The following CACNB2 variants were observed in gnomAD, a reference collection of about 807,000 sequenced individuals.
The protein encoded by CACNB2 is calcium voltage-gated channel auxiliary subunit beta 2, also known as voltage-dependent L-type calcium channel subunit beta-2.
A neutral mutation model predicts 73.3 loss-of-function variants in CACNB2; 42 were observed. That is an observed-to-expected ratio of 0.57 (90% confidence interval 0.45 to 0.74). The LOEUF (loss-of-function observed/expected upper bound fraction) is 0.74, where lower values mean the gene tolerates loss of function less well. CACNB2 is among the 30% of genes least tolerant of loss of function. The pLI, the probability that CACNB2 is intolerant of heterozygous loss-of-function variation, is 0.00. For missense variants in CACNB2, 940 were observed against 853.0 expected (o/e 1.10, Z -1.27); for synonymous variants, 348 against 310.3 (o/e 1.12, Z -1.28).
At chr10:18,384,567 A>C (rs114856031) in intron 2 of CACNB2, among the ~76,000 whole-genome samples, 1,783 of 152,126 alleles carry the variant, frequency 0.012, 37 homozygotes, top group African/African-American at 0.041. Flanking sequence ...CTCTCCAAAA[A>C]AAGAAAAAAA....
intron 2 of CACNB2, among the ~76,000 whole-genome samples, chr10:18,267,806 C>T (rs987250275): frequency 9.9e-5 from 15 of 152,136 alleles, no homozygotes; most frequent in Non-Finnish European, 2.1e-4. Context: ...CCAGTTAACA[C>T]CTATCACTTT....
intron 2 of CACNB2, among the ~76,000 whole-genome samples, chr10:18,329,540 A>C (rs1178561422): frequency 6.6e-6 from 1 of 150,866 alleles, no homozygotes; most frequent in African/African-American, 2.4e-5. Context: ...AAGAAGAAAG[A>C]TATAAGCTTA....
intron 3 of CACNB2, among the ~76,000 whole-genome samples, chr10:18,438,014 T>C: frequency 1.0e-5 from 1 of 96,072 alleles, no homozygotes; most frequent in East Asian, 3.2e-4. Context: ...TTTTTTTTTT[T>C]TTTTTTTTTT....
At chr10:18,318,573 G>A (rs2040280339) in intron 2 of CACNB2, among the ~76,000 whole-genome samples, 1 of 152,078 alleles carries the variant, frequency 6.6e-6, no homozygotes, top group Non-Finnish European at 1.5e-5. Context: ...AACACCAAAA[G>A]CAATTAGAAC....
At chr10:18,255,347 C>G (rs1006696051) in intron 2 of CACNB2, among the ~76,000 whole-genome samples, 4 of 152,194 alleles carry the variant, frequency 2.6e-5, no homozygotes, top group African/African-American at 9.6e-5. Context: ...ACCCTTGAGC[C>G]TCAGCTCAGG....
At chr10:18,538,710 C>T (rs933003765) in intron 13 of CACNB2, among the ~76,000 whole-genome samples, 1 of 152,108 alleles carries the variant, frequency 6.6e-6, no homozygotes, top group Non-Finnish European at 1.5e-5. Flanking sequence ...ATAATGGCAA[C>T]CTGTCCAAGA....
At chr10:18,384,276 C>A (rs983857110) in intron 2 of CACNB2, among the ~76,000 whole-genome samples, 3 of 152,046 alleles carry the variant, frequency 2.0e-5, no homozygotes, top group African/African-American at 7.2e-5. Flanking sequence ...ATATAGTGTA[C>A]CTCTTTTTCT....
intron 2 of CACNB2, among the ~76,000 whole-genome samples, chr10:18,154,452 G>C (rs559607434): frequency 3.0e-4 from 45 of 151,948 alleles, no homozygotes; most frequent in Non-Finnish European, 6.3e-4. Context: ...CATTAGGACT[G>C]TTATCTTTTT....
intron 3 of CACNB2, among the ~76,000 whole-genome samples, chr10:18,486,435 A>G (rs1309699182): frequency 1.3e-5 from 2 of 152,214 alleles, no homozygotes; most frequent in Non-Finnish European, 2.9e-5. Context: ...AGGCCTAGTG[A>G]TTCCAGAAGG....
chr10:18,453,275 T>C (rs1440350495), intron 3 of CACNB2, among the ~76,000 whole-genome samples: 1 of 152,220 alleles, frequency 6.6e-6, no homozygotes, highest in Non-Finnish European at 1.5e-5. Flanking sequence ...ATTGTGACTG[T>C]CTATTACTCT....
intron 1 of CACNB2, among the ~76,000 whole-genome samples, chr10:18,146,453 G>T (rs2030993210): frequency 6.6e-6 from 1 of 151,290 alleles, no homozygotes; most frequent in African/African-American, 2.4e-5. Flanking sequence ...GGGACTACAG[G>T]CACATGCCAC....
chr10:18,252,208 C>T (rs2037117639), intron 2 of CACNB2, among the ~76,000 whole-genome samples: 1 of 152,088 alleles, frequency 6.6e-6, no homozygotes, highest in Non-Finnish European at 1.5e-5. Flanking sequence ...TTCCCCTGAC[C>T]GTCAGTCTAA....
intron 3 of CACNB2, among the ~76,000 whole-genome samples, chr10:18,468,588 A>AT (rs1349896805): frequency 5.3e-5 from 8 of 151,808 alleles, no homozygotes; most frequent in East Asian, 1.9e-4. Flanking sequence ...TGAGCGTCTG[A>AT]TTTTTTTTGT....
chr10:18,226,225 C>T (rs2035988134), intron 2 of CACNB2, among the ~76,000 whole-genome samples: 1 of 151,898 alleles, frequency 6.6e-6, no homozygotes, highest in Admixed American at 6.6e-5. Flanking sequence ...AGAGGTTTTG[C>T]CATGTTGCCC....
Position 18,489,175 on chromosome 10 carries a change from C to T in CACNB2, c.334-9180C>T, listed in dbSNP as rs186821019. Among the ~76,000 whole-genome samples the T allele has an allele frequency of 3.1e-3, 472 of 152,030 alleles. 4 individuals are homozygous for T. The highest frequency in any genetic ancestry group is 8.9e-3 in the South Asian group (43 of 4,808). On this transcript the variant is annotated intron_variant, in intron 3 of 13. Transcript: ENST00000324631. The stretch of plus-strand genomic sequence containing the variant: ...AAAAATACAAAAAATTAGTGAGCCG[C>T]GCCACTGCACTCCAGCCTGGGTGAC...
chr10:18,201,275 C>CTTTTT (rs11381087), intron 2 of CACNB2, among the ~76,000 whole-genome samples: 1 of 138,674 alleles, frequency 7.2e-6, no homozygotes, highest in Non-Finnish European at 1.6e-5. Context: ...GGTCCAGTAT[C>CTTTTT]TTTTTTTTTT....
At chr10:18,485,090 C>T (rs151073113) in intron 3 of CACNB2, among the ~76,000 whole-genome samples, 3 of 151,876 alleles carry the variant, frequency 2.0e-5, no homozygotes, top group East Asian at 1.9e-4. Context: ...TGCAGTGGGG[C>T]GAGATCACAC....
intron 2 of CACNB2, among the ~76,000 whole-genome samples, chr10:18,301,751 T>C (rs1441181115): frequency 6.6e-6 from 1 of 151,708 alleles, no homozygotes; most frequent in Non-Finnish European, 1.5e-5. Context: ...TGGGTTCCAA[T>C]GATTCTCCTG....
intron 2 of CACNB2, among the ~76,000 whole-genome samples, chr10:18,350,427 T>C (rs2041658561): frequency 6.6e-6 from 1 of 152,232 alleles, no homozygotes; most frequent in South Asian, 2.1e-4. Flanking sequence ...AAGGGCAGCC[T>C]CTTCCATGCA....
Sources: gnomAD v4.1 joint callset for allele counts (sites outside exome capture counted in the v4.1 genomes callset) on GRCh38, gnomAD v4.1.1 for gene constraint, MANE v1.5 for transcripts, NCBI Gene and HGNC (gene_info 2026-07-23, HGNC 2026-07-21) for gene names.